Variants in AFF3 observed in about 807,000 individuals in gnomAD.
AFF3 encodes AF4/FMR2 family member 3.
A neutral mutation model predicts 129.7 loss-of-function variants in AFF3; 32 were observed. The observed-to-expected ratio is 0.25, with a 90% CI of 0.19 to 0.33. The LOEUF (loss-of-function observed/expected upper bound fraction) is 0.33. AFF3 is among the 10% of genes least tolerant of loss of function. AFF3 has a pLI of 1.00. For synonymous variants in AFF3, 644 were observed against 635.4 expected (o/e 1.01, Z -0.20); for missense variants, 1,373 against 1,592.0 (o/e 0.86, Z 2.34).
At chr2:99,991,208 G>A (rs1172350469) in intron 7 of AFF3, among the ~76,000 whole-genome samples, 2 of 152,128 alleles carry the variant, frequency 1.3e-5, no homozygotes, top group Non-Finnish European at 2.9e-5. Flanking sequence ...AATTTCTGGA[G>A]GGCCAGATCT....
At chr2:99,900,369 G>A (rs570560303) in intron 7 of AFF3, among the ~76,000 whole-genome samples, 1 of 152,242 alleles carries the variant, frequency 6.6e-6, no homozygotes, top group Admixed American at 6.5e-5. Context: ...CTCTAAGAGG[G>A]CTCTCAAGCT....
chr2:100,067,895 G>A (rs948158044), intron 4 of AFF3, among the ~76,000 whole-genome samples: 1 of 152,118 alleles, frequency 6.6e-6, no homozygotes, highest in East Asian at 1.9e-4. Context: ...CACAAACAGA[G>A]TGCCAGCTGT....
At chr2:99,731,221 G>T (rs1191765719) in intron 10 of AFF3, among the ~76,000 whole-genome samples, 3 of 152,194 alleles carry the variant, frequency 2.0e-5, no homozygotes, top group African/African-American at 7.2e-5. Context: ...GCTTCCCAAA[G>T]TGCTGGGATT....
intron 18 of AFF3, among the ~76,000 whole-genome samples, chr2:99,576,888 C>CA (rs1677049273): frequency 2.0e-5 from 3 of 152,158 alleles, no homozygotes; most frequent in African/African-American, 7.2e-5. Context: ...GGCCACCTGA[C>CA]TGTACTCCCA....
intron 22 of AFF3, among the ~76,000 whole-genome samples, chr2:99,556,229 AAGTCAGG>A (rs1372021421): frequency 6.6e-6 from 1 of 152,138 alleles, no homozygotes; most frequent in Non-Finnish European, 1.5e-5. Context: ...GGATCACCTG[AAGTCAGG>A]AGTCTGAGAC....
At chr2:99,648,917 A>ACACACACTCTCTCTCTCTCTCTCTCTCT in intron 13 of AFF3, among the ~76,000 whole-genome samples, 2 of 46,874 alleles carry the variant, frequency 4.3e-5, no homozygotes, top group Admixed American at 2.6e-4. Context: ...ACACACACAC[A>ACACACACTCTCTCTCTCTCTCTCTCTCT]CTCTCTCTCT....
At chr2:99,603,916 C>T (rs1680081563) in intron 13 of AFF3, among the ~76,000 whole-genome samples, 2 of 152,094 alleles carry the variant, frequency 1.3e-5, no homozygotes, top group African/African-American at 4.8e-5. Context: ...AAATCAAAAC[C>T]ACACTGAGAT....
chr2:99,553,286 AT>A (rs2104477250), intron 24 of AFF3, among the ~76,000 whole-genome samples: 1 of 152,192 alleles, frequency 6.6e-6, no homozygotes, highest in South Asian at 2.1e-4. Context: ...CCCCCATGGC[AT>A]TCTCATTGGA....
chr2:99,868,601 C>T (rs1029018720), intron 7 of AFF3, among the ~76,000 whole-genome samples: 4 of 152,124 alleles, frequency 2.6e-5, no homozygotes, highest in Non-Finnish European at 4.4e-5. Context: ...GGACCAAGAA[C>T]TGTGAGTCTG....
At chr2:99,735,468 T>C (rs1416193532) in intron 10 of AFF3, among the ~76,000 whole-genome samples, 1 of 152,154 alleles carries the variant, frequency 6.6e-6, no homozygotes, top group Non-Finnish European at 1.5e-5. Context: ...CTTAGTTCAT[T>C]AATTTTTTGT....
intron 9 of AFF3, among the ~76,000 whole-genome samples, chr2:99,747,469 C>T (rs559266255): frequency 5.5e-4 from 84 of 152,244 alleles, no homozygotes; most frequent in African/African-American, 1.9e-3. Context: ...TACAGGCACG[C>T]GCCGCCATGC....
At chr2:99,708,054 C>G (rs1358265162) in intron 11 of AFF3, among the ~76,000 whole-genome samples, 1 of 152,094 alleles carries the variant, frequency 6.6e-6, no homozygotes, top group African/African-American at 2.4e-5. Context: ...AGGTAAACAA[C>G]AAACAAATTT....
At chr2:100,028,059 A>G (rs966272755) in intron 4 of AFF3, among the ~76,000 whole-genome samples, 5 of 152,202 alleles carry the variant, frequency 3.3e-5, no homozygotes, top group African/African-American at 7.2e-5. Context: ...TTAATCATCA[A>G]GGAAATACAA....
chr2:99,981,038 G>A (rs1240293023), intron 7 of AFF3, among the ~76,000 whole-genome samples: 5 of 152,018 alleles, frequency 3.3e-5, no homozygotes, highest in African/African-American at 7.2e-5. Flanking sequence ...TGTTTGAGAC[G>A]GAGTTTCACT....
chr2:100,033,823 A>G (rs1684703738), intron 4 of AFF3, among the ~76,000 whole-genome samples: 1 of 152,210 alleles, frequency 6.6e-6, no homozygotes, highest in Non-Finnish European at 1.5e-5. Context: ...CCTCTGCAAC[A>G]GCTTTTGTGT....
At chr2:99,933,965 C>T (rs1373363215) in intron 7 of AFF3, among the ~76,000 whole-genome samples, 4 of 152,136 alleles carry the variant, frequency 2.6e-5, no homozygotes, top group Admixed American at 6.6e-5. Context: ...CCTGGGTCCC[C>T]GTAGCTATCA....
rs1280860477 is a variant in AFF3, at chr2:99,583,022, T to C, written c.2592-23A>G. The C allele has an allele frequency of 3.7e-6, 6 of 1,607,010 alleles. No individual in the cohort carries two copies. The African/African-American group carries it at 6.7e-5, about 18-fold the overall frequency. ...ACACTGAAAAAGGAAATTACGGTAATGGAATGTTACAGAGTCAGCACAGGG... is the reference window on the plus strand; with the variant it reads ...ACACTGAAAAAGGAAATTACGGTAACGGAATGTTACAGAGTCAGCACAGGG... On this transcript the variant is annotated intron_variant, in intron 16 of 24. Transcript: ENST00000672756.
At chr2:99,810,505 G>A (rs968558218) in intron 8 of AFF3, among the ~76,000 whole-genome samples, 1 of 152,212 alleles carries the variant, frequency 6.6e-6, no homozygotes, top group Non-Finnish European at 1.5e-5. Flanking sequence ...CAAATACCTG[G>A]GCAAACGTGC....
intron 7 of AFF3, among the ~76,000 whole-genome samples, chr2:99,976,676 T>G (rs1344567180): frequency 6.6e-6 from 1 of 152,222 alleles, no homozygotes; most frequent in Non-Finnish European, 1.5e-5. Context: ...AAAACGGGAA[T>G]GGACAGCAAC....
Sources: allele counts gnomAD v4.1 joint callset (sites outside exome capture counted in the v4.1 genomes callset), GRCh38; gene constraint gnomAD v4.1.1; transcripts MANE v1.5; gene names NCBI Gene and HGNC (gene_info 2026-07-23, HGNC 2026-07-21).